Variants in FBXL17 observed in about 807,000 individuals in gnomAD.
FBXL17 encodes F-box and leucine rich repeat protein 17, also known as F-box/LRR-repeat protein 17.
In FBXL17, 22 loss-of-function variants were observed where a neutral mutation model predicts 66.2. That is an observed-to-expected ratio of 0.33 (90% CI 0.24 to 0.47). FBXL17 has a LOEUF of 0.47. Among genes scored for constraint, FBXL17 ranks in the 20% least tolerant of loss-of-function variants. The pLI is 1.00. For missense variants in FBXL17, 878 were observed against 948.2 expected (o/e 0.93, Z 0.97); for synonymous variants, 474 against 400.5 (o/e 1.18, Z -2.19).
intron 6 of FBXL17, among the ~76,000 whole-genome samples, chr5:108,147,081 C>T (rs1162081015): frequency 2.6e-5 from 4 of 152,138 alleles, no homozygotes; most frequent in Non-Finnish European, 2.9e-5. Flanking sequence ...TTTAAAAGGG[C>T]ACTCTGCCCT....
intron 7 of FBXL17, among the ~76,000 whole-genome samples, chr5:107,893,209 C>G (rs1275959419): frequency 1.3e-5 from 2 of 152,092 alleles, no homozygotes; most frequent in African/African-American, 4.8e-5. Context: ...TGAGAGAAAA[C>G]AGTTGAGGTG....
intron 8 of FBXL17, 93 bp downstream of exon 8, chr5:107,880,944 G>A (rs756975631): frequency 7.6e-5 from 122 of 1,604,008 alleles, no homozygotes; most frequent in Non-Finnish European, 9.0e-5. Flanking sequence ...TATAATACAC[G>A]GGGGTGGAGA....
intron 4 of FBXL17, among the ~76,000 whole-genome samples, chr5:108,310,286 T>A (rs1759055138): frequency 6.6e-6 from 1 of 152,190 alleles, no homozygotes; most frequent in Non-Finnish European, 1.5e-5. Flanking sequence ...ACTATCATAC[T>A]ATCCACATAT....
chr5:107,950,258 A>C (rs953177691), intron 7 of FBXL17, among the ~76,000 whole-genome samples: 15 of 152,188 alleles, frequency 9.9e-5, no homozygotes, highest in African/African-American at 3.6e-4. Context: ...GGATCACTTT[A>C]GATATACAAT....
At position 108,009,259 on chromosome 5, in the gene FBXL17, T is replaced by TAATATA. The variant is rs1491338610; in HGVS notation, c.1822+11665_1822+11666insTATATT. On this transcript the variant is annotated intron_variant, in intron 7 of 8. Transcript: ENST00000542267. ...CAGCTTGGTCGTGAGTTGTTCCCTG[T>TAATATA]TTTATATATATATATATATATATAT... 1.5e-3 allele frequency among the ~76,000 whole-genome samples: 15 copies of TAATATA among 10,094 alleles called. 6 individuals carry two copies. Among genetic ancestry groups the TAATATA allele is most frequent in the East Asian group, 0.011 (2 of 176 alleles). The allele number at this position is 10,094 out of a possible 152,430, so 6.6% of individuals were successfully genotyped here.
chr5:108,027,773 T>C (rs1488602094), intron 6 of FBXL17, among the ~76,000 whole-genome samples: 1 of 152,184 alleles, frequency 6.6e-6, no homozygotes, highest in East Asian at 1.9e-4. Context: ...ATAAAATATT[T>C]CAGGACTAAA....
intron 4 of FBXL17, among the ~76,000 whole-genome samples, chr5:108,242,823 A>T (rs1437279394): frequency 1.3e-5 from 2 of 152,138 alleles, no homozygotes; most frequent in African/African-American, 4.8e-5. Context: ...TATTATATCT[A>T]AAAAAATTCA....
chr5:108,254,355 A>T (rs1756485555), intron 4 of FBXL17, among the ~76,000 whole-genome samples: 1 of 152,206 alleles, frequency 6.6e-6, no homozygotes, highest in South Asian at 2.1e-4. Context: ...ACAAGAAAGC[A>T]ACTGCAAATT....
intron 7 of FBXL17, among the ~76,000 whole-genome samples, chr5:107,896,474 T>C (rs1014959285): frequency 2.0e-5 from 3 of 152,204 alleles, no homozygotes; most frequent in African/African-American, 7.2e-5. Context: ...GAGTATCCAC[T>C]TAAAATACTG....
chr5:108,001,035 T>C (rs570934592), intron 7 of FBXL17, among the ~76,000 whole-genome samples: 2 of 152,318 alleles, frequency 1.3e-5, no homozygotes, highest in African/African-American at 4.8e-5. Flanking sequence ...TGTGCACTTA[T>C]TAAAATGATC....
rs572514305 is a variant in FBXL17, at chr5:108,177,454, T to C, written c.1745+8663A>G. Among the ~76,000 whole-genome samples the C allele has an allele frequency of 2.6e-5, 4 of 152,316 alleles. No homozygotes were observed. In the South Asian group the frequency reaches 8.3e-4, roughly 32 times the overall value. On this transcript the variant is annotated intron_variant, in intron 6 of 8. Coordinates refer to ENST00000542267, the MANE Select transcript of FBXL17 (RefSeq NM_001163315.3). ...ACCATTCTAACCATGTTCAGAATGA[T>C]CAACCATGTCTGATGTCTGAGGTCG...
chr5:108,287,623 T>G (rs766830003), intron 4 of FBXL17, among the ~76,000 whole-genome samples: 3 of 151,960 alleles, frequency 2.0e-5, no homozygotes, highest in African/African-American at 7.2e-5. Flanking sequence ...CAACAGGTGT[T>G]GGTGAGGCTG....
intron 4 of FBXL17, among the ~76,000 whole-genome samples, chr5:108,292,592 A>C (rs1758158333): frequency 6.6e-6 from 1 of 152,170 alleles, no homozygotes; most frequent in Non-Finnish European, 1.5e-5. Context: ...AAATCTTTAT[A>C]AACTAGCTGA....
At chr5:108,017,670 A>AT (rs906837604) in intron 7 of FBXL17, among the ~76,000 whole-genome samples, 10 of 151,998 alleles carry the variant, frequency 6.6e-5, no homozygotes, top group Admixed American at 5.9e-4. Flanking sequence ...CCTAAGTTTG[A>AT]TTTTTTTTCC....
At chr5:108,269,705 T>C (rs2966787) in intron 4 of FBXL17, among the ~76,000 whole-genome samples, 6,727 of 152,042 alleles carry the variant, frequency 0.044, 779 homozygotes, top group East Asian at 0.39. Context: ...CCTAGACAGA[T>C]TGTAAGGTCT....
intron 8 of FBXL17, among the ~76,000 whole-genome samples, chr5:107,877,068 T>C (rs186339596): frequency 6.6e-6 from 1 of 152,342 alleles, no homozygotes; most frequent in Admixed American, 6.5e-5. Context: ...CACACAGCGT[T>C]TTCTTCTCTT....
chr5:108,019,953 T>A (rs1205689381), intron 7 of FBXL17, among the ~76,000 whole-genome samples: 6 of 152,078 alleles, frequency 3.9e-5, no homozygotes, highest in African/African-American at 7.2e-5. Context: ...AGATTATTTT[T>A]AAAATTATAG....
At chr5:107,927,861 A>G (rs1019897161) in intron 7 of FBXL17, among the ~76,000 whole-genome samples, 1 of 152,100 alleles carries the variant, frequency 6.6e-6, no homozygotes, top group African/African-American at 2.4e-5. Context: ...GAGGTTGCAC[A>G]TGGCTTTTTT....
At chr5:107,928,304 T>C (rs1026790542) in intron 7 of FBXL17, among the ~76,000 whole-genome samples, 3 of 152,038 alleles carry the variant, frequency 2.0e-5, no homozygotes, top group African/African-American at 4.8e-5. Flanking sequence ...GAAATACATA[T>C]ACAGTGGCAA....
Sources: gnomAD v4.1 joint callset for allele counts (sites outside exome capture counted in the v4.1 genomes callset) on GRCh38, gnomAD v4.1.1 for gene constraint, MANE v1.5 for transcripts, NCBI Gene and HGNC (gene_info 2026-07-23, HGNC 2026-07-21) for gene names.